PCDHA3: variants seen among roughly 807,000 people sequenced by gnomAD.
The protein encoded by PCDHA3 is protocadherin alpha 3.
In PCDHA3, 41 loss-of-function variants were observed where a neutral mutation model predicts 62.2. The observed-to-expected ratio is 0.66, with a 90% CI of 0.51 to 0.86. The LOEUF is 0.86. PCDHA3 is among the 40% of genes least tolerant of loss of function. The pLI is 0.00. For synonymous variants in PCDHA3, 640 were observed against 555.4 expected (o/e 1.15, Z -2.14); for missense variants, 1,304 against 1,241.2 (o/e 1.05, Z -0.76).
At chr5:140,968,817 T>C in intron 1 of PCDHA3, 2 of 1,614,110 alleles carry the variant, frequency 1.2e-6, no homozygotes, top group Middle Eastern at 3.3e-4. Flanking sequence ...GTGGATAGGG[T>C]TTCCAAAATC....
rs2098417673 is a variant in PCDHA3, at chr5:141,010,569, T to C, written c.*632T>C. ...AAAACTACCCCCACTGACAAGGCTT[T>C]AGGAGACCCTAAAGTCTGTTGGCTG... On this transcript the variant is annotated 3_prime_UTR_variant, in exon 4 of 4. Transcript: ENST00000522353. 1.4e-5 allele frequency: 4 copies of C among 283,140 alleles called. No individual in the cohort carries two copies. The South Asian group carries it at 2.4e-4, about 17-fold the overall frequency. The allele number at this position is 283,140 out of a possible 1,614,324, so 17.5% of individuals were successfully genotyped here.
intron 1 of PCDHA3, chr5:140,849,885 G>C (rs2150456327): frequency 1.3e-6 from 2 of 1,598,614 alleles, no homozygotes; most frequent in Non-Finnish European, 1.7e-6. Flanking sequence ...CACGGTGTTC[G>C]TGAAGGAGAA....
intron 1 of PCDHA3, chr5:140,809,026 G>T: frequency 6.2e-7 from 1 of 1,613,446 alleles, no homozygotes; most frequent in Non-Finnish European, 8.5e-7. Flanking sequence ...AGCTGCAGCC[G>T]GGGACTGGTG....
intron 1 of PCDHA3, among the ~76,000 whole-genome samples, chr5:140,910,538 AT>A: frequency 6.6e-6 from 1 of 152,180 alleles, no homozygotes; most frequent in Non-Finnish European, 1.5e-5. Context: ...TCACAAATCT[AT>A]TTTGCAAAGT....
At chr5:140,956,281 G>A (rs551518322) in intron 1 of PCDHA3, among the ~76,000 whole-genome samples, 14 of 152,008 alleles carry the variant, frequency 9.2e-5, no homozygotes, top group Admixed American at 2.0e-4. Flanking sequence ...ATTGGCTGTG[G>A]GTTTATCATA....
At chr5:141,008,684 G>C (rs1426948038) in intron 3 of PCDHA3, among the ~76,000 whole-genome samples, 1 of 152,118 alleles carries the variant, frequency 6.6e-6, no homozygotes, top group Admixed American at 6.5e-5. Context: ...TTTAGTTATT[G>C]CATGTATTAA....
Position 140,876,296 on chromosome 5 carries a change from G to C in PCDHA3, c.2394+72705G>C, listed in dbSNP as rs1337465467. On this transcript the variant is annotated intron_variant, in intron 1 of 3. Coordinates refer to ENST00000522353, the MANE Select transcript of PCDHA3 (RefSeq NM_018906.3). ...TCCGATCCAGACGAAGGACTTAATGGAGAAATTTCCTATGGGATCAAAATG... is the reference window on the plus strand; with the variant it reads ...TCCGATCCAGACGAAGGACTTAATGCAGAAATTTCCTATGGGATCAAAATG... 19 of 1,613,952 alleles carry C rather than the reference G, an allele frequency of 1.2e-5. No individual in the cohort carries two copies. Among genetic ancestry groups the C allele is most frequent in the Non-Finnish European group, 1.6e-5 (19 of 1,179,904 alleles).
At chr5:140,926,860 C>T in intron 1 of PCDHA3, 1 of 1,521,078 alleles carries the variant, frequency 6.6e-7, no homozygotes, top group Non-Finnish European at 8.8e-7. Flanking sequence ...GTTGGTGTAG[C>T]GTGTTGGTGG....
chr5:140,807,017 G>T, intron 1 of PCDHA3: 1 of 805,674 alleles, frequency 1.2e-6, no homozygotes, highest in Non-Finnish European at 1.9e-6. Flanking sequence ...CAAAATACAT[G>T]AGAGAAGGAG....
At chr5:140,978,835 A>G in intron 1 of PCDHA3, 114 bp from the exon 2 acceptor site, 2 of 1,550,342 alleles carry the variant, frequency 1.3e-6, no homozygotes, top group Non-Finnish European at 1.7e-6. Flanking sequence ...TGGCTCATTC[A>G]ATACTTTTTT....
intron 1 of PCDHA3, chr5:140,883,878 C>T: frequency 1.9e-6 from 3 of 1,613,260 alleles, no homozygotes; most frequent in Middle Eastern, 1.7e-4. Context: ...CAGGTGAGCG[C>T]GCGCGACTCT....
intron 3 of PCDHA3, among the ~76,000 whole-genome samples, chr5:141,003,540 T>C (rs2098129225): frequency 6.6e-6 from 1 of 152,188 alleles, no homozygotes; most frequent in Non-Finnish European, 1.5e-5. Flanking sequence ...CTTGAACTCC[T>C]GGCTTCAAGT....
chr5:140,818,173 A>G (rs1766295678), intron 1 of PCDHA3, among the ~76,000 whole-genome samples: 1 of 152,154 alleles, frequency 6.6e-6, no homozygotes, highest in Non-Finnish European at 1.5e-5. Context: ...ATTTTCTCTT[A>G]TATTCTTCTG....
At chr5:140,908,384 C>T (rs573373685) in intron 1 of PCDHA3, among the ~76,000 whole-genome samples, 2 of 152,172 alleles carry the variant, frequency 1.3e-5, no homozygotes, top group African/African-American at 2.4e-5. Flanking sequence ...TGCTCGAGCC[C>T]GATCACATAT....
intron 1 of PCDHA3, chr5:140,814,733 T>C (rs1765577214): frequency 6.6e-6 from 1 of 152,206 alleles, no homozygotes; most frequent in African/African-American, 2.4e-5. Flanking sequence ...TTCAGCTCCA[T>C]TATAATCTTA....
At chr5:140,808,135 T>C in intron 1 of PCDHA3, 1 of 1,614,028 alleles carries the variant, frequency 6.2e-7, no homozygotes, top group Non-Finnish European at 8.5e-7. Flanking sequence ...GCAAATCCTA[T>C]GAAATTATTG....
At chr5:140,833,865 GA>G (rs1242582364) in intron 1 of PCDHA3, among the ~76,000 whole-genome samples, 1 of 152,098 alleles carries the variant, frequency 6.6e-6, no homozygotes, top group African/African-American at 2.4e-5. Flanking sequence ...ACTGAATCAA[GA>G]ATATGAAGTT....
chr5:140,849,752 C>T, intron 1 of PCDHA3: 1 of 1,598,394 alleles, frequency 6.3e-7, no homozygotes. Flanking sequence ...AGAGTGTGTC[C>T]GCCTACGAGC....
intron 1 of PCDHA3, among the ~76,000 whole-genome samples, chr5:140,902,590 A>G (rs1266008229): frequency 6.6e-6 from 1 of 151,942 alleles, no homozygotes; most frequent in African/African-American, 2.4e-5. Flanking sequence ...TAGTTTTGGG[A>G]AACAGGTCGT....
Sources: allele counts gnomAD v4.1 joint callset (sites outside exome capture counted in the v4.1 genomes callset), GRCh38; gene constraint gnomAD v4.1.1; transcripts MANE v1.5; gene names NCBI Gene and HGNC (gene_info 2026-07-23, HGNC 2026-07-21).